The following PPP2R2D variants were observed in gnomAD, a reference collection of about 807,000 sequenced individuals.
The protein encoded by PPP2R2D is protein phosphatase 2 regulatory subunit Bdelta.
PPP2R2D carries 9 observed loss-of-function variants against 31.1 expected under a neutral mutation model. The observed-to-expected ratio is 0.29, with a 90% confidence interval of 0.17 to 0.51. The LOEUF (loss-of-function observed/expected upper bound fraction) is 0.51. Ranked by LOEUF, PPP2R2D falls within the 20% of genes least tolerant of loss-of-function variation. The pLI is 0.98. For synonymous variants in PPP2R2D, 179 were observed against 172.6 expected (o/e 1.04, Z -0.29); for missense variants, 391 against 465.6 (o/e 0.84, Z 1.48).
chr10:131,909,014 C>G (rs943253579), intron 2 of PPP2R2D, among the ~76,000 whole-genome samples: 22 of 152,258 alleles, frequency 1.4e-4, no homozygotes, highest in African/African-American at 5.3e-4. Flanking sequence ...ATGGCTGGAC[C>G]AGAGCACACT....
chr10:131,916,237 T>G (rs1554893032), intron 2 of PPP2R2D, among the ~76,000 whole-genome samples: 1 of 152,082 alleles, frequency 6.6e-6, no homozygotes, highest in Non-Finnish European at 1.5e-5. Flanking sequence ...TCTGTGGAGT[T>G]CGCATCTATA....
At chr10:131,943,138 C>T (rs1372047070) in intron 5 of PPP2R2D, among the ~76,000 whole-genome samples, 9 of 152,034 alleles carry the variant, frequency 5.9e-5, no homozygotes, top group African/African-American at 2.2e-4. Flanking sequence ...AGGCCTTTTT[C>T]CTTTTTTCAT....
At chr10:131,928,803 G>A (rs1394696493) in intron 2 of PPP2R2D, among the ~76,000 whole-genome samples, 1 of 152,210 alleles carries the variant, frequency 6.6e-6, no homozygotes, top group Non-Finnish European at 1.5e-5. Flanking sequence ...CAGGATATGA[G>A]CCATGCAGCC....
the PPP2R2D span, chr10:131,967,434 T>G: frequency 6.6e-6 from 1 of 152,256 alleles, no homozygotes; most frequent in Non-Finnish European, 1.5e-5. Context: ...TCTGATGTCA[T>G]GCCATCCACA....
chr10:131,960,894 G>A (rs2036912291), downstream of PPP2R2D, among the ~76,000 whole-genome samples: 1 of 152,220 alleles, frequency 6.6e-6, no homozygotes, highest in African/African-American at 2.4e-5. Flanking sequence ...CAGGCAAAGG[G>A]ACAGGATGGG....
chr10:131,926,611 G>T (rs774047695), intron 2 of PPP2R2D, among the ~76,000 whole-genome samples: 2 of 152,154 alleles, frequency 1.3e-5, no homozygotes, highest in African/African-American at 2.4e-5. Context: ...TGGCAGCCTC[G>T]GTAAACTCTG....
intron 2 of PPP2R2D, among the ~76,000 whole-genome samples, chr10:131,914,401 T>C (rs1432723569): frequency 6.6e-6 from 1 of 152,184 alleles, no homozygotes; most frequent in Non-Finnish European, 1.5e-5. Flanking sequence ...TAATGTTCCA[T>C]TTTTCCTAGT....
chr10:131,950,017 A>G (rs1040372508), intron 8 of PPP2R2D, among the ~76,000 whole-genome samples: 1 of 147,862 alleles, frequency 6.8e-6, no homozygotes, highest in East Asian at 2.0e-4. Flanking sequence ...AGTATGATAC[A>G]TGACCGCCAA....
chr10:131,954,739 G>A (rs1311848768), intron 8 of PPP2R2D, among the ~76,000 whole-genome samples: 3 of 151,972 alleles, frequency 2.0e-5, no homozygotes, highest in Non-Finnish European at 2.9e-5. Context: ...GAAGCGGCCC[G>A]CTTCTTTCTC....
At chr10:131,924,349 A>T (rs940038136) in intron 2 of PPP2R2D, among the ~76,000 whole-genome samples, 2 of 152,112 alleles carry the variant, frequency 1.3e-5, no homozygotes, top group Non-Finnish European at 2.9e-5. Context: ...ATTTATATAT[A>T]ATTTTTATAT....
chr10:131,971,076 C>T, the PPP2R2D span: 1 of 1,031,018 alleles, frequency 9.7e-7, no homozygotes. Flanking sequence ...TTCAAGAGCC[C>T]AGAGGCACAT....
At chr10:131,948,939 G>A (rs886361731) in intron 8 of PPP2R2D, among the ~76,000 whole-genome samples, 11 of 152,338 alleles carry the variant, frequency 7.2e-5, no homozygotes, top group Middle Eastern at 6.8e-3. Context: ...GCACTGCCCT[G>A]AGAAGTGGAA....
chr10:131,969,034 A>G, the PPP2R2D span: 402 of 159,552 alleles, frequency 2.5e-3, 5 homozygotes, highest in African/African-American at 9.1e-3. Context: ...CTTTTCGGCA[A>G]TAGAGAGGCT....
At chr10:131,928,746 T>C (rs2036152558) in intron 2 of PPP2R2D, among the ~76,000 whole-genome samples, 1 of 152,200 alleles carries the variant, frequency 6.6e-6, no homozygotes, top group Admixed American at 6.5e-5. Flanking sequence ...TATTTTGTTT[T>C]GAAAAACCTA....
the PPP2R2D span, chr10:131,970,486 G>T: frequency 8.5e-7 from 1 of 1,169,730 alleles, no homozygotes; most frequent in Non-Finnish European, 1.2e-6. The surrounding 1 kb of genome is among the most constrained non-coding windows in gnomAD (Gnocchi z 4.1). Context: ...GTGGTTTCTG[G>T]ACCTGAACAG....
Position 131,901,108 on chromosome 10 carries a change from C to T in PPP2R2D, c.-41C>T, listed in dbSNP as rs1485192885. ...CTGCAGCGGCGCGGAGGCCGTCTCC[C>T]TGGTCTGCCGCGGTCCCCGCCCGTC... On this transcript the variant is annotated 5_prime_UTR_variant, in exon 1 of 9. Transcript: ENST00000455566. 20 of 223,924 alleles carry T rather than the reference C, an allele frequency of 8.9e-5. No individual in the cohort carries two copies. Among genetic ancestry groups the T allele is most frequent in the East Asian group, 2.0e-4 (2 of 9,996 alleles). 13.9% of individuals were successfully genotyped at this position (223,924 alleles called of 1,614,324 possible).
chr10:131,905,373 T>C (rs2035565593), intron 2 of PPP2R2D, among the ~76,000 whole-genome samples: 1 of 152,338 alleles, frequency 6.6e-6, no homozygotes, highest in East Asian at 1.9e-4. Context: ...CTGCATGTTA[T>C]GGAATCACCT....
At chr10:131,961,831 G>T (rs952967348), downstream of PPP2R2D, among the ~76,000 whole-genome samples, 2 of 147,688 alleles carry the variant, frequency 1.4e-5, no homozygotes, top group Admixed American at 1.3e-4. Context: ...GTCCTCCAGG[G>T]TTTTTTTTTT....
At chr10:131,907,829 C>A (rs1452466896) in intron 2 of PPP2R2D, among the ~76,000 whole-genome samples, 1 of 151,936 alleles carries the variant, frequency 6.6e-6, no homozygotes, top group African/African-American at 2.4e-5. Context: ...GTCATCGTTA[C>A]ATCGTGAAGT....
Sources: allele counts gnomAD v4.1 joint callset (sites outside exome capture counted in the v4.1 genomes callset), GRCh38; gene constraint gnomAD v4.1.1; non-coding constraint Gnocchi (gnomAD v3.1); transcripts MANE v1.5; gene names NCBI Gene and HGNC (gene_info 2026-07-23, HGNC 2026-07-21).